CLYBL: variants seen among roughly 807,000 people sequenced by gnomAD.
CLYBL encodes the protein citramalyl-CoA lyase, mitochondrial.
In CLYBL, 31 loss-of-function variants were observed where a neutral mutation model predicts 38.9. The ratio of observed to expected loss-of-function variants is 0.80; its 90% confidence interval spans 0.60 to 1.08. CLYBL has a LOEUF of 1.08. Ranked by LOEUF, CLYBL falls within the 50% of genes least tolerant of loss-of-function variation. CLYBL has a pLI of 0.00. For missense variants in CLYBL, 434 were observed against 411.6 expected (o/e 1.05, Z -0.47); for synonymous variants, 171 against 158.6 (o/e 1.08, Z -0.59).
chr13:99,852,779 A>G (rs2051363685), intron 2 of CLYBL, among the ~76,000 whole-genome samples: 3 of 152,222 alleles, frequency 2.0e-5, no homozygotes, highest in Non-Finnish European at 4.4e-5. Context: ...AAGTTGGAAG[A>G]TTGTACAGTA....
At chr13:99,613,735 G>C (rs1212839000) in intron 1 of CLYBL, among the ~76,000 whole-genome samples, 1 of 152,222 alleles carries the variant, frequency 6.6e-6, no homozygotes, top group Non-Finnish European at 1.5e-5. Context: ...AACTCACTCA[G>C]AGTAAGGATG....
chr13:99,867,772 G>A (rs760225464), intron 6 of CLYBL, among the ~76,000 whole-genome samples: 7 of 151,938 alleles, frequency 4.6e-5, no homozygotes, highest in Admixed American at 6.5e-5. Context: ...GCTGCCAGGT[G>A]GCCAGATGTT....
chr13:99,770,977 C>T (rs1405317140), intron 1 of CLYBL, among the ~76,000 whole-genome samples: 9 of 150,910 alleles, frequency 6.0e-5, no homozygotes, highest in Non-Finnish European at 4.4e-5. Flanking sequence ...GCCTTGGCCT[C>T]CCAAAGTGCC....
intron 1 of CLYBL, among the ~76,000 whole-genome samples, chr13:99,717,647 A>G (rs953242933): frequency 6.6e-6 from 1 of 151,634 alleles, no homozygotes. Flanking sequence ...TTTTGTAGTG[A>G]TGGGGTTTTG....
intron 8 of CLYBL, among the ~76,000 whole-genome samples, chr13:99,904,632 C>T (rs2067768608): frequency 6.6e-6 from 1 of 151,740 alleles, no homozygotes; most frequent in Non-Finnish European, 1.5e-5. Context: ...AAATGTGTGG[C>T]CTCTAAAATG....
At chr13:99,875,660 C>T (rs911091043) in intron 7 of CLYBL, among the ~76,000 whole-genome samples, 3 of 152,162 alleles carry the variant, frequency 2.0e-5, no homozygotes, top group Admixed American at 1.3e-4. Context: ...CATCTAAAGA[C>T]GTGGTTGTTG....
chr13:99,606,694 A>G lies in CLYBL; in HGVS notation c.-2A>G, dbSNP rs1477283265. On this transcript the variant is annotated 5_prime_UTR_variant, in exon 1 of 9. Transcript: ENST00000339105. ...AAAGGGCGGGGCGCGCGCGTCGGGA[A>G]GATGGCGCTACGTCTGCTGCGGAGG... is the stretch of plus-strand genomic sequence containing the variant. The G allele has an allele frequency of 6.7e-7, 1 of 1,488,590 alleles. No individual in the cohort carries two copies. The highest frequency in any genetic ancestry group is 8.9e-7 in the Non-Finnish European group (1 of 1,125,562). The allele number at this position is 1,488,590 out of a possible 1,614,324, so 92.2% of individuals were successfully genotyped here.
At chr13:99,730,077 G>A (rs1252870931) in intron 1 of CLYBL, among the ~76,000 whole-genome samples, 1 of 131,220 alleles carries the variant, frequency 7.6e-6, no homozygotes, top group Non-Finnish European at 1.7e-5. Flanking sequence ...ACGTCAGCGT[G>A]GCCAGTGCTG....
intron 8 of CLYBL, among the ~76,000 whole-genome samples, chr13:99,903,140 A>G (rs1183938968): frequency 2.6e-5 from 4 of 152,240 alleles, no homozygotes; most frequent in African/African-American, 9.6e-5. Flanking sequence ...TTTCATAACA[A>G]GAAAATAAAA....
chr13:99,706,404 C>T lies in CLYBL; in HGVS notation c.63-66420C>T, dbSNP rs536634175. Among the ~76,000 whole-genome samples, 38 of 152,298 alleles carry T rather than the reference C, an allele frequency of 2.5e-4. 1 individual carries two copies. Among genetic ancestry groups the T allele is most frequent in the African/African-American group, 8.9e-4 (37 of 41,562 alleles). On this transcript the variant is annotated intron_variant, in intron 1 of 8. Transcript: ENST00000339105. ...CAGGACACTCTTGCCTGGTTTGCAT[C>T]CTGAGAGTCTCCTGGGGTTCCAGTT...
chr13:99,655,701 C>T (rs1483340189), intron 1 of CLYBL, among the ~76,000 whole-genome samples: 1 of 152,152 alleles, frequency 6.6e-6, no homozygotes, highest in East Asian at 1.9e-4. Context: ...GCTTGTGGGA[C>T]CTGGTGTCAG....
intron 1 of CLYBL, among the ~76,000 whole-genome samples, chr13:99,758,372 GC>G (rs1428315060): frequency 6.6e-6 from 1 of 152,090 alleles, no homozygotes; most frequent in Non-Finnish European, 1.5e-5. Context: ...TCACCATAAG[GC>G]TACCAGATTT....
At chr13:99,639,541 A>G (rs2047066171) in intron 1 of CLYBL, among the ~76,000 whole-genome samples, 1 of 152,202 alleles carries the variant, frequency 6.6e-6, no homozygotes, top group East Asian at 1.9e-4. Flanking sequence ...CAAAAACAAT[A>G]ATTAAGATAA....
chr13:99,692,048 G>T (rs971506376), intron 1 of CLYBL, among the ~76,000 whole-genome samples: 1 of 152,138 alleles, frequency 6.6e-6, no homozygotes, highest in Non-Finnish European at 1.5e-5. Context: ...AGCCAGGATG[G>T]ATATGATAGC....
chr13:99,809,615 T>C (rs952057277), intron 2 of CLYBL, among the ~76,000 whole-genome samples: 5 of 152,276 alleles, frequency 3.3e-5, no homozygotes, highest in Non-Finnish European at 5.9e-5. Context: ...AAGAAAGGGA[T>C]GGCTGCAGGC....
chr13:99,771,381 T>G (rs2138787241), intron 1 of CLYBL, among the ~76,000 whole-genome samples: 1 of 152,320 alleles, frequency 6.6e-6, no homozygotes. Context: ...GACATAGAAC[T>G]TCATCTCTTA....
At chr13:99,822,015 T>C (rs1466986210) in intron 2 of CLYBL, among the ~76,000 whole-genome samples, 1 of 152,158 alleles carries the variant, frequency 6.6e-6, no homozygotes, top group Non-Finnish European at 1.5e-5. Flanking sequence ...CAGACTCTCC[T>C]ACTGGAGACA....
chr13:99,818,295 A>G (rs1029665578), intron 2 of CLYBL, among the ~76,000 whole-genome samples: 1 of 152,060 alleles, frequency 6.6e-6, no homozygotes, highest in Non-Finnish European at 1.5e-5. Flanking sequence ...GATGTTTACT[A>G]CTTCTAGCTC....
intron 2 of CLYBL, among the ~76,000 whole-genome samples, chr13:99,777,296 A>C (rs1273385614): frequency 6.6e-6 from 1 of 152,154 alleles, no homozygotes; most frequent in Non-Finnish European, 1.5e-5. Flanking sequence ...TTTCAAAATG[A>C]AGATATGTTC....
Sources: allele counts gnomAD v4.1 joint callset (sites outside exome capture counted in the v4.1 genomes callset), GRCh38; gene constraint gnomAD v4.1.1; transcripts MANE v1.5; gene names NCBI Gene and HGNC (gene_info 2026-07-23, HGNC 2026-07-21).